WWOX: variants seen among roughly 807,000 people sequenced by gnomAD.
WWOX encodes the protein WW domain-containing oxidoreductase.
In WWOX, 69 loss-of-function variants were observed where a neutral mutation model predicts 46.2. That is an observed-to-expected ratio of 1.49 (90% CI 1.23 to 1.82). WWOX has a LOEUF of 1.82. WWOX is among the 40% of genes most tolerant of loss of function. The pLI, the probability that WWOX is intolerant of heterozygous loss-of-function variation, is 0.00. For synonymous variants in WWOX, 359 were observed against 202.6 expected, an observed-to-expected ratio of 1.77 and a Z score of -6.56; for missense variants, 919 against 542.6, an observed-to-expected ratio of 1.69 and a Z score of -6.89.
At chr16:78,326,751 C>T (rs565612470) in intron 5 of WWOX, among the ~76,000 whole-genome samples, 2 of 152,060 alleles carry the variant, frequency 1.3e-5, no homozygotes, top group South Asian at 2.1e-4. Context: ...TTAATTGTTT[C>T]ATTTAGACAT....
intron 8 of WWOX, among the ~76,000 whole-genome samples, chr16:78,671,918 C>T (rs140276014): frequency 6.6e-6 from 1 of 152,242 alleles, no homozygotes; most frequent in East Asian, 1.9e-4. Context: ...TTCATTCCTT[C>T]TCATCTCAAC....
chr16:78,583,283 C>T (rs2045110173), intron 8 of WWOX, among the ~76,000 whole-genome samples: 1 of 152,126 alleles, frequency 6.6e-6, no homozygotes, highest in African/African-American at 2.4e-5. Flanking sequence ...CTTGGCCCTC[C>T]TTAGAGTGAG....
chr16:78,790,337 G>A (rs1289767538), intron 8 of WWOX, among the ~76,000 whole-genome samples: 1 of 151,752 alleles, frequency 6.6e-6, no homozygotes, highest in African/African-American at 2.4e-5. Flanking sequence ...GTTTCATCAT[G>A]TTGGCCAGGC....
At chr16:79,002,834 A>G (rs2047120286) in intron 8 of WWOX, among the ~76,000 whole-genome samples, 1 of 152,214 alleles carries the variant, frequency 6.6e-6, no homozygotes, top group Non-Finnish European at 1.5e-5. Flanking sequence ...TCACTAAGTT[A>G]TACTACCTCT....
intron 8 of WWOX, among the ~76,000 whole-genome samples, chr16:79,168,030 G>C (rs1042425491): frequency 6.6e-6 from 1 of 152,076 alleles, no homozygotes; most frequent in Non-Finnish European, 1.5e-5. Flanking sequence ...TGTTTCCAAG[G>C]CTTGTCTAAG....
intron 6 of WWOX, among the ~76,000 whole-genome samples, chr16:78,402,291 G>A (rs1334864628): frequency 6.6e-6 from 1 of 152,036 alleles, no homozygotes; most frequent in Non-Finnish European, 1.5e-5. Context: ...GTTCATTTAT[G>A]TTATTGCAAA....
chr16:78,131,108 C>T (rs1266115275), intron 4 of WWOX, among the ~76,000 whole-genome samples: 1 of 152,178 alleles, frequency 6.6e-6, no homozygotes, highest in Admixed American at 6.5e-5. Context: ...GTGTTGTAAT[C>T]TTATGGGACC....
At chr16:79,171,182 G>A (rs1311306289) in intron 8 of WWOX, among the ~76,000 whole-genome samples, 1 of 152,180 alleles carries the variant, frequency 6.6e-6, no homozygotes, top group Non-Finnish European at 1.5e-5. Flanking sequence ...CACACATAGC[G>A]ACAGATAATT....
In WWOX at chr16:78,385,134, A is replaced by AACACACAC. The variant is rs61262578; in HGVS notation, c.517-1706_517-1699dup. Among the ~76,000 whole-genome samples the AACACACAC allele has an allele frequency of 3.0e-3, 424 of 143,088 alleles. 3 individuals carry two copies. The highest frequency in any genetic ancestry group is 0.024 in the Middle Eastern group (7 of 288). The allele number at this position is 143,088 out of a possible 152,430, so 93.9% of individuals were successfully genotyped here. ...GGGCGACAGAGTGAGACTCCATCTA[A>AACACACAC]ACACACACACACACACACACACACA... On this transcript the variant is annotated intron_variant, in intron 5 of 8. Coordinates refer to ENST00000566780, the MANE Select transcript of WWOX (RefSeq NM_016373.4).
At chr16:78,779,052 T>G (rs1391903420) in intron 8 of WWOX, among the ~76,000 whole-genome samples, 1 of 152,214 alleles carries the variant, frequency 6.6e-6, no homozygotes, top group African/African-American at 2.4e-5. Flanking sequence ...TGGAATGTTA[T>G]AGCCGGAAGG....
chr16:79,010,252 C>G (rs1336933501), intron 8 of WWOX, among the ~76,000 whole-genome samples: 2 of 152,172 alleles, frequency 1.3e-5, no homozygotes, highest in Non-Finnish European at 2.9e-5. Flanking sequence ...GAGTGAGGAG[C>G]TGGGGACTCA....
At chr16:78,812,360 C>G (rs893306360) in intron 8 of WWOX, among the ~76,000 whole-genome samples, 1 of 152,050 alleles carries the variant, frequency 6.6e-6, no homozygotes, top group Non-Finnish European at 1.5e-5. Context: ...TTTAACATGA[C>G]AGGTCTTATG....
At chr16:78,910,473 G>A (rs186632211) in intron 8 of WWOX, among the ~76,000 whole-genome samples, 1 of 150,582 alleles carries the variant, frequency 6.6e-6, no homozygotes, top group Non-Finnish European at 1.5e-5. Context: ...ACAGTGTGGT[G>A]TTTCATGTTA....
intron 8 of WWOX, among the ~76,000 whole-genome samples, chr16:78,717,976 C>G (rs1300665154): frequency 3.3e-5 from 4 of 122,160 alleles, no homozygotes; most frequent in African/African-American, 1.4e-4. Flanking sequence ...TTAATGGCAT[C>G]TAAATGATAA....
At chr16:79,031,287 G>T (rs907647720) in intron 8 of WWOX, among the ~76,000 whole-genome samples, 7 of 152,108 alleles carry the variant, frequency 4.6e-5, no homozygotes, top group African/African-American at 1.7e-4. Flanking sequence ...CGTGGTGGGT[G>T]ACTCCCTGGG....
At chr16:78,376,067 C>G (rs1045953556) in intron 5 of WWOX, among the ~76,000 whole-genome samples, 2 of 152,048 alleles carry the variant, frequency 1.3e-5, no homozygotes, top group African/African-American at 2.4e-5. Context: ...CCAGGCTGTT[C>G]TCGAACTCCT....
chr16:78,837,670 A>G (rs1209764967), intron 8 of WWOX, among the ~76,000 whole-genome samples: 1 of 152,208 alleles, frequency 6.6e-6, no homozygotes. Flanking sequence ...ATCTTATACC[A>G]AGAAAGAGGG....
At chr16:79,027,597 A>G (rs892180670) in intron 8 of WWOX, among the ~76,000 whole-genome samples, 4 of 151,850 alleles carry the variant, frequency 2.6e-5, no homozygotes, top group Non-Finnish European at 2.9e-5. Context: ...CCTGAATTAT[A>G]TGAATCTGAA....
At chr16:78,585,554 T>C (rs557428084) in intron 8 of WWOX, among the ~76,000 whole-genome samples, 38 of 152,292 alleles carry the variant, frequency 2.5e-4, no homozygotes, top group Admixed American at 7.2e-4. Flanking sequence ...GGTTTTCTCC[T>C]CGCTTCCACC....
Sources: allele counts gnomAD v4.1 joint callset (sites outside exome capture counted in the v4.1 genomes callset), GRCh38; gene constraint gnomAD v4.1.1; transcripts MANE v1.5; gene names NCBI Gene and HGNC (gene_info 2026-07-23, HGNC 2026-07-21).